The following ATP8A2 variants were observed in gnomAD, a reference collection of about 807,000 sequenced individuals.
ATP8A2 encodes the protein phospholipid-transporting ATPase IB.
A neutral mutation model predicts 165.6 loss-of-function variants in ATP8A2; 100 were observed. That is an observed-to-expected ratio of 0.60 (90% CI 0.51 to 0.71). The LOEUF (loss-of-function observed/expected upper bound fraction) is 0.71, where lower values mean the gene tolerates loss of function less well. Ranked by LOEUF, ATP8A2 falls within the 30% of genes least tolerant of loss-of-function variation. The probability of loss-of-function intolerance (pLI) is 0.00; values close to 1 mark genes in which losing one functional copy is unlikely to be tolerated. For missense variants in ATP8A2, 1,227 were observed against 1,479.5 expected (o/e 0.83, Z 2.80); for synonymous variants, 543 against 548.8 (o/e 0.99, Z 0.15).
chr13:25,900,406 A>G (rs1953704539), intron 33 of ATP8A2, among the ~76,000 whole-genome samples: 1 of 152,190 alleles, frequency 6.6e-6, no homozygotes, highest in Non-Finnish European at 1.5e-5. Context: ...ACGTGTCCCA[A>G]GGTGGTCGTC....
chr13:25,853,959 G>A (rs1172192575), intron 30 of ATP8A2, among the ~76,000 whole-genome samples: 2 of 152,142 alleles, frequency 1.3e-5, no homozygotes, highest in East Asian at 3.9e-4. Flanking sequence ...TTTATGGGTG[G>A]AGAATTGAGA....
At chr13:25,538,153 C>T in intron 7 of ATP8A2, 92 bp downstream of exon 7, 1 of 801,736 alleles carries the variant, frequency 1.2e-6, no homozygotes. Flanking sequence ...GCAGCCTGTT[C>T]CCTTCTACCA....
intron 24 of ATP8A2, among the ~76,000 whole-genome samples, chr13:25,605,228 CTT>C (rs1210609768): frequency 6.6e-6 from 1 of 152,088 alleles, no homozygotes; most frequent in Admixed American, 6.5e-5. Context: ...TATAAGGTAA[CTT>C]ATGTAGACCT....
intron 25 of ATP8A2, among the ~76,000 whole-genome samples, chr13:25,733,565 A>C (rs1400218528): frequency 6.6e-6 from 1 of 152,220 alleles, no homozygotes; most frequent in Admixed American, 6.5e-5. Context: ...TCTTTCCACC[A>C]GGAACCTTTG....
intron 2 of ATP8A2, among the ~76,000 whole-genome samples, chr13:25,494,824 CT>C (rs1414380980): frequency 6.6e-6 from 1 of 152,070 alleles, no homozygotes; most frequent in African/African-American, 2.4e-5. Context: ...GTAATGATTT[CT>C]TTTTTCACAG....
chr13:25,911,065 T>G (rs908812477), intron 33 of ATP8A2, among the ~76,000 whole-genome samples: 2 of 152,036 alleles, frequency 1.3e-5, no homozygotes, highest in African/African-American at 4.8e-5. Flanking sequence ...CCTGGTGGCT[T>G]CTTTAGAGCC....
At chr13:25,749,933 G>A (rs957739016) in intron 25 of ATP8A2, among the ~76,000 whole-genome samples, 3 of 152,090 alleles carry the variant, frequency 2.0e-5, no homozygotes, top group Non-Finnish European at 4.4e-5. Flanking sequence ...AGGCTGAGAT[G>A]GGGGATTGCT....
chr13:25,746,970 T>C (rs1460873080), intron 25 of ATP8A2, among the ~76,000 whole-genome samples: 1 of 152,182 alleles, frequency 6.6e-6, no homozygotes, highest in Non-Finnish European at 1.5e-5. Flanking sequence ...CCCTCCATTG[T>C]GGGGAAACAC....
chr13:25,661,825 C>A (rs1254850767), intron 24 of ATP8A2, among the ~76,000 whole-genome samples: 2 of 152,028 alleles, frequency 1.3e-5, no homozygotes, highest in Non-Finnish European at 2.9e-5. Flanking sequence ...AAATAAGCAT[C>A]GGATTCAAAC....
intron 16 of ATP8A2, among the ~76,000 whole-genome samples, chr13:25,564,952 C>T (rs1482883348): frequency 6.6e-6 from 1 of 150,434 alleles, no homozygotes; most frequent in Non-Finnish European, 1.5e-5. Context: ...TCAGTGAGAA[C>T]ACATGATGTT....
chr13:25,921,545 C>T (rs2139033196), intron 33 of ATP8A2, among the ~76,000 whole-genome samples: 1 of 150,258 alleles, frequency 6.7e-6, no homozygotes, highest in South Asian at 2.1e-4. Flanking sequence ...ATTGCTTGAA[C>T]CTGGGAGGCG....
At position 25,531,135 on chromosome 13, in the gene ATP8A2, G is replaced by GTATATATA. The variant is rs1269183891; in HGVS notation, c.420+476_420+477insATATATAT. On this transcript the variant is annotated intron_variant, in intron 4 of 36. Coordinates refer to ENST00000381655, the MANE Select transcript of ATP8A2 (RefSeq NM_016529.6). ...TCTCCCCCTATATATTTGTGTGTGT[G>GTATATATA]TGTATATATATGTTATATATATGAT... Among the ~76,000 whole-genome samples the GTATATATA allele has an allele frequency of 3.5e-3, 242 of 68,602 alleles. 2 individuals carry two copies. Among genetic ancestry groups the GTATATATA allele is most frequent in the African/African-American group, 0.014 (204 of 14,230 alleles). 45.0% of individuals were successfully genotyped at this position (68,602 alleles called of 152,430 possible). A position where few individuals can be genotyped will look rare whatever the true frequency, so the allele number is the denominator to read the frequency against.
chr13:25,792,771 A>G (rs537903521), intron 27 of ATP8A2, among the ~76,000 whole-genome samples: 119 of 151,880 alleles, frequency 7.8e-4, no homozygotes, highest in African/African-American at 2.8e-3. Context: ...AAGAAAAAAA[A>G]TAGCCGGGGG....
intron 35 of ATP8A2, among the ~76,000 whole-genome samples, chr13:25,991,650 T>C (rs1326826949): frequency 1.1e-4 from 16 of 152,246 alleles, no homozygotes; most frequent in Non-Finnish European, 4.4e-5. Flanking sequence ...TGGAGTTTCA[T>C]CCAGGTTGTT....
intron 1 of ATP8A2, among the ~76,000 whole-genome samples, chr13:25,413,369 C>T (rs1481155374): frequency 2.7e-5 from 4 of 148,796 alleles, no homozygotes; most frequent in Admixed American, 1.3e-4. Context: ...GCAACATCCA[C>T]CTCCCAGGTT....
chr13:25,968,700 C>T, intron 35 of ATP8A2, 21 bp downstream of exon 35: 7 of 1,577,576 alleles, frequency 4.4e-6, no homozygotes, highest in Non-Finnish European at 6.1e-6. Flanking sequence ...CCGTCCCAGT[C>T]CGCACAGAAC....
At chr13:25,565,444 C>T (rs904096415) in intron 16 of ATP8A2, among the ~76,000 whole-genome samples, 2 of 152,110 alleles carry the variant, frequency 1.3e-5, no homozygotes, top group African/African-American at 2.4e-5. Context: ...GGTGGTATTG[C>T]GTTGTGGTTT....
chr13:25,499,118 G>A (rs2036770580), intron 2 of ATP8A2, among the ~76,000 whole-genome samples: 2 of 152,144 alleles, frequency 1.3e-5, no homozygotes, highest in South Asian at 4.1e-4. Flanking sequence ...GCCAATTGTT[G>A]CCCTATATTC....
chr13:25,731,983 C>T (rs2043658495), intron 25 of ATP8A2, among the ~76,000 whole-genome samples: 2 of 152,148 alleles, frequency 1.3e-5, no homozygotes, highest in African/African-American at 2.4e-5. Context: ...GCAGTGTGTC[C>T]TCTTTTTCAG....
Sources: allele counts gnomAD v4.1 joint callset (sites outside exome capture counted in the v4.1 genomes callset), GRCh38; gene constraint gnomAD v4.1.1; transcripts MANE v1.5; gene names NCBI Gene and HGNC (gene_info 2026-07-23, HGNC 2026-07-21).